The following PCDH11Y variants were observed in gnomAD, a reference collection of about 807,000 sequenced individuals.
The protein encoded by PCDH11Y is protocadherin-11 Y-linked.
For missense variants in PCDH11Y, 12 were observed against 224.8 expected (o/e 0.05, Z 6.05); for synonymous variants, 9 against 83.6 (o/e 0.11, Z 4.87).
chrY:5,494,189 G>T (rs2053341636), intron 2 of PCDH11Y, among the ~76,000 whole-genome samples: 3 of 33,325 alleles, frequency 9.0e-5, no homozygotes, highest in Non-Finnish European at 2.2e-4. Context: ...TTTGGTTTTA[G>T]TATTACTTAA....
intron 3 of PCDH11Y, among the ~76,000 whole-genome samples, chrY:5,525,695 GTA>G (rs2053386873): frequency 3.3e-5 from 1 of 30,519 alleles, no homozygotes; most frequent in Non-Finnish European, 7.9e-5. Flanking sequence ...AAAGAAAATA[GTA>G]TATATATATA....
intron 2 of PCDH11Y, among the ~76,000 whole-genome samples, chrY:5,466,439 T>C (rs2053308210): frequency 6.1e-5 from 2 of 32,978 alleles, no homozygotes; most frequent in Admixed American, 2.8e-4. Flanking sequence ...TCAGGTCTCT[T>C]GATTCATTTT....
intron 2 of PCDH11Y, among the ~76,000 whole-genome samples, chrY:5,323,929 A>G: frequency 3.1e-5 from 1 of 31,938 alleles, no homozygotes; most frequent in Admixed American, 2.9e-4. Context: ...TTCAAACTTC[A>G]TGGCAGTAAA....
chrY:5,328,251 C>G (rs2053124919), intron 2 of PCDH11Y, among the ~76,000 whole-genome samples: 1 of 33,682 alleles, frequency 3.0e-5, no homozygotes, highest in Admixed American at 2.6e-4. Flanking sequence ...GTAACAAGTT[C>G]CTGGGGGAGG....
intron 4 of PCDH11Y, among the ~76,000 whole-genome samples, chrY:5,671,695 G>A: frequency 3.2e-5 from 1 of 31,361 alleles, no homozygotes; most frequent in Admixed American, 3.0e-4. Flanking sequence ...GATCATATCA[G>A]CTATAAACAA....
intron 3 of PCDH11Y, among the ~76,000 whole-genome samples, chrY:5,044,187 T>C: frequency 3.2e-5 from 1 of 31,360 alleles, no homozygotes; most frequent in East Asian, 8.3e-4. Context: ...TTTCTAGTTC[T>C]TTTAATTGTG....
intron 2 of PCDH11Y, among the ~76,000 whole-genome samples, chrY:5,231,887 C>T (rs2052968279): frequency 3.0e-5 from 1 of 33,119 alleles, no homozygotes; most frequent in Non-Finnish European, 7.5e-5. Context: ...ACTCTTTCCC[C>T]CTCTTTCCAA....
chrY:5,386,204 G>C, intron 2 of PCDH11Y, among the ~76,000 whole-genome samples: 8 of 33,303 alleles, frequency 2.4e-4, no homozygotes, highest in Admixed American at 2.2e-3. Flanking sequence ...TAGCTTGGAG[G>C]GTTTCTGCTG....
intron 2 of PCDH11Y, among the ~76,000 whole-genome samples, chrY:5,239,318 C>T: frequency 3.0e-5 from 1 of 33,052 alleles, no homozygotes; most frequent in Admixed American, 2.8e-4. Context: ...AGAAAACTAT[C>T]GCAAGGAGAA....
At chrY:5,634,449 G>A in intron 4 of PCDH11Y, 1 of 37,809 alleles carries the variant, frequency 2.6e-5, no homozygotes, top group South Asian at 5.7e-4. Context: ...AATAAGTCTA[G>A]AATTCAAAGT....
intron 4 of PCDH11Y, among the ~76,000 whole-genome samples, chrY:5,617,486 A>G: frequency 6.2e-5 from 2 of 32,301 alleles, no homozygotes; most frequent in Non-Finnish European, 1.5e-4. Context: ...ACATTAGTCC[A>G]GCAACAAAAT....
At chrY:5,342,164 T>C in intron 2 of PCDH11Y, among the ~76,000 whole-genome samples, 1 of 32,789 alleles carries the variant, frequency 3.0e-5, no homozygotes, top group Non-Finnish European at 7.4e-5. Context: ...GGTTTATTTC[T>C]GTAGCAGTAG....
intron 1 of PCDH11Y, among the ~76,000 whole-genome samples, chrY:5,016,779 T>C: frequency 3.0e-5 from 1 of 33,352 alleles, no homozygotes; most frequent in Admixed American, 2.7e-4. Context: ...AACAGTTTTA[T>C]AGTCATCTTA....
chrY:5,311,536 C>T (rs1602902850), intron 2 of PCDH11Y, among the ~76,000 whole-genome samples: 2 of 24,276 alleles, frequency 8.2e-5, no homozygotes, highest in African/African-American at 3.4e-4. Flanking sequence ...TATACACACA[C>T]ATATATATAT....
intron 3 of PCDH11Y, among the ~76,000 whole-genome samples, chrY:5,536,178 A>G (rs2124692247): frequency 3.1e-5 from 1 of 31,920 alleles, no homozygotes; most frequent in East Asian, 8.5e-4. Flanking sequence ...TGCCCGCCTC[A>G]GCCTCCCAAA....
intron 4 of PCDH11Y, among the ~76,000 whole-genome samples, chrY:5,659,034 G>T: frequency 3.0e-5 from 1 of 33,234 alleles, no homozygotes; most frequent in Non-Finnish European, 7.4e-5. Flanking sequence ...GACTCATAGA[G>T]GTACTGCCTT....
At chrY:5,160,110 A>G (rs2052873467) in intron 2 of PCDH11Y, among the ~76,000 whole-genome samples, 24 of 26,419 alleles carry the variant, frequency 9.1e-4, no homozygotes, top group African/African-American at 3.6e-3. Context: ...TGCCTAAAAT[A>G]ATTTTTATCA....
intron 4 of PCDH11Y, among the ~76,000 whole-genome samples, chrY:5,674,136 C>T (rs2053551753): frequency 3.0e-5 from 1 of 33,039 alleles, no homozygotes; most frequent in Non-Finnish European, 7.5e-5. Context: ...GTTTCCTTAG[C>T]CCTCCAAAGC....
At chrY:5,421,134 G>A (rs1602922901) in intron 2 of PCDH11Y, among the ~76,000 whole-genome samples, 8 of 31,165 alleles carry the variant, frequency 2.6e-4, no homozygotes, top group African/African-American at 8.9e-4. Flanking sequence ...CAGCTACTCC[G>A]GAGGCTAAGG....
Sources: gnomAD v4.1 joint callset for allele counts (sites outside exome capture counted in the v4.1 genomes callset) on GRCh38, gnomAD v4.1.1 for gene constraint, MANE v1.5 for transcripts, NCBI Gene and HGNC (gene_info 2026-07-23, HGNC 2026-07-21) for gene names.